The following GBE1 variants were observed in gnomAD, a reference collection of about 807,000 sequenced individuals.
GBE1 encodes 1,4-alpha-glucan branching enzyme 1, also known as 1,4-alpha-glucan-branching enzyme.
In GBE1, 70 loss-of-function variants were observed where a neutral mutation model predicts 88.8. The observed-to-expected ratio is 0.79, with a 90% confidence interval of 0.65 to 0.96. The LOEUF (loss-of-function observed/expected upper bound fraction) is 0.96. Among genes scored for constraint, GBE1 ranks in the 40% least tolerant of loss-of-function variants. The pLI is 0.00. For synonymous variants in GBE1, 284 were observed against 300.1 expected, an observed-to-expected ratio of 0.95 and a Z score of 0.56; for missense variants, 872 against 871.0, an observed-to-expected ratio of 1.00 and a Z score of -0.01.
chr3:81,696,865 C>T (rs943212300), intron 2 of GBE1, among the ~76,000 whole-genome samples: 2 of 152,158 alleles, frequency 1.3e-5, no homozygotes, highest in African/African-American at 2.4e-5. Context: ...CATTAAGGTC[C>T]ATACCAGGAA....
intron 7 of GBE1, among the ~76,000 whole-genome samples, chr3:81,620,920 G>A (rs1461017028): frequency 6.6e-6 from 1 of 152,108 alleles, no homozygotes; most frequent in Non-Finnish European, 1.5e-5. Context: ...CAAATGAAAG[G>A]AAATGTCATG....
intron 3 of GBE1, 68 bp downstream of exon 3, chr3:81,670,770 A>G: frequency 1.2e-6 from 1 of 838,504 alleles, no homozygotes; most frequent in South Asian, 1.8e-5. Flanking sequence ...AATAGTTTAA[A>G]TCAAACTTGG....
At position 81,657,143 on chromosome 3, in the gene GBE1, A is replaced by C. The variant is rs530025980; in HGVS notation, c.430-7222T>G. On this transcript the variant is annotated intron_variant, in intron 3 of 15. Transcript: ENST00000429644. Reference sequence around the variant, plus strand: ...TGCACTCCAGCCGTCTCAAAAAAAAAAAAAACAAAACAAAAAAAAACAATA... The same window carrying C: ...TGCACTCCAGCCGTCTCAAAAAAAACAAAAACAAAACAAAAAAAAACAATA... Among the ~76,000 whole-genome samples the C allele has an allele frequency of 2.9e-4, 44 of 151,378 alleles. 1 individual carries two copies. The highest frequency in any genetic ancestry group is 2.8e-3 in the Admixed American group (42 of 15,232).
intron 2 of GBE1, among the ~76,000 whole-genome samples, chr3:81,704,311 G>A (rs1215962369): frequency 6.6e-6 from 1 of 151,928 alleles, no homozygotes; most frequent in Admixed American, 6.6e-5. Context: ...AAAACCCAAA[G>A]TTCTGTTAAG....
At chr3:81,741,920 TC>T (rs1337023293) in intron 1 of GBE1, among the ~76,000 whole-genome samples, 1 of 149,588 alleles carries the variant, frequency 6.7e-6, no homozygotes, top group African/African-American at 2.4e-5. Flanking sequence ...GCCCTCCACC[TC>T]CCCATCTATA....
At chr3:81,613,163 T>A (rs1048075282) in intron 7 of GBE1, 3 of 277,700 alleles carry the variant, frequency 1.1e-5, no homozygotes, top group Non-Finnish European at 2.0e-5. Context: ...TTTTTTTTTT[T>A]AATCTTGTCC....
Position 81,576,663 on chromosome 3 carries a change from T to C in GBE1, c.1618+1262A>G, listed in dbSNP as rs147670844. Among the ~76,000 whole-genome samples the C allele has an allele frequency of 1.5e-3, 224 of 152,202 alleles. 2 individuals are homozygous for C. Among genetic ancestry groups the C allele is most frequent in the African/African-American group, 5.2e-3 (218 of 41,534 alleles). ...CTGACTTTATTTATGGAACCAATCA[T>C]TGCAAAGTCCATCCAGGGAACTTGA... On this transcript the variant is annotated intron_variant, in intron 12 of 15. Transcript: ENST00000429644.
intron 4 of GBE1, 130 bp downstream of exon 4, chr3:81,649,666 A>C: frequency 1.5e-6 from 1 of 655,696 alleles, no homozygotes. Context: ...TAAAAGGAAT[A>C]CTATGATGTA....
intron 2 of GBE1, among the ~76,000 whole-genome samples, chr3:81,704,357 A>G (rs1277896266): frequency 6.6e-6 from 1 of 152,046 alleles, no homozygotes; most frequent in Non-Finnish European, 1.5e-5. Context: ...ATTGCATTAA[A>G]ATTTGTTCTT....
At chr3:81,577,898 T>A (rs766557957) in intron 12 of GBE1, 27 bp downstream of exon 12, 1 of 1,545,840 alleles carries the variant, frequency 6.5e-7, no homozygotes, top group African/African-American at 1.4e-5. Context: ...TAAACACAAA[T>A]TGCATATGTG....
At chr3:81,753,274 A>C (rs766797271) in intron 1 of GBE1, among the ~76,000 whole-genome samples, 5 of 152,194 alleles carry the variant, frequency 3.3e-5, no homozygotes, top group South Asian at 2.1e-4. Context: ...TTAAACACAA[A>C]GGAGCCCTGG....
At chr3:81,666,998 T>G (rs1004653581) in intron 3 of GBE1, among the ~76,000 whole-genome samples, 3 of 152,232 alleles carry the variant, frequency 2.0e-5, no homozygotes, top group Non-Finnish European at 4.4e-5. Flanking sequence ...AGATGACAGA[T>G]GTCAGCTACT....
At chr3:81,742,918 A>T (rs184007404) in intron 1 of GBE1, among the ~76,000 whole-genome samples, 11 of 152,054 alleles carry the variant, frequency 7.2e-5, no homozygotes, top group African/African-American at 2.7e-4. Flanking sequence ...ATTACTCCCA[A>T]CTGTTTCTAG....
At chr3:81,746,676 G>A (rs1706424486) in intron 1 of GBE1, among the ~76,000 whole-genome samples, 1 of 152,116 alleles carries the variant, frequency 6.6e-6, no homozygotes, top group Non-Finnish European at 1.5e-5. Context: ...AGATTCATAT[G>A]AAGAAATATT....
intron 12 of GBE1, among the ~76,000 whole-genome samples, chr3:81,562,885 A>G (rs1460114776): frequency 6.7e-6 from 1 of 150,364 alleles, no homozygotes; most frequent in African/African-American, 2.4e-5. Flanking sequence ...TTTTAATGGG[A>G]GGGGGACCAA....
chr3:81,738,418 T>C (rs1310536618), intron 1 of GBE1, among the ~76,000 whole-genome samples: 7 of 152,012 alleles, frequency 4.6e-5, no homozygotes, highest in Admixed American at 2.0e-4. Flanking sequence ...GCACCTGTTG[T>C]TTCCTGACTT....
At chr3:81,582,036 G>A (rs562088605) in intron 10 of GBE1, among the ~76,000 whole-genome samples, 7 of 151,952 alleles carry the variant, frequency 4.6e-5, no homozygotes, top group South Asian at 4.2e-4. Flanking sequence ...GTTTCTTCCC[G>A]CCACTCCCGA....
Position 81,572,307 on chromosome 3 carries a change from G to A in GBE1, c.1618+5618C>T, listed in dbSNP as rs1703586760. Among the ~76,000 whole-genome samples, 3 of 152,026 alleles carry A rather than the reference G, an allele frequency of 2.0e-5. No individual in the cohort carries two copies. In the South Asian group the frequency reaches 6.2e-4, roughly 32 times the overall value. On this transcript the variant is annotated intron_variant, in intron 12 of 15. Coordinates refer to ENST00000429644, the MANE Select transcript of GBE1 (RefSeq NM_000158.4). The stretch of plus-strand genomic sequence containing the variant: ...AGTTCTTTACAGCAGTATGAAAATG[G>A]ACTAATAAAAGAATGAATAAAATAT...
intron 7 of GBE1, among the ~76,000 whole-genome samples, chr3:81,597,334 T>C (rs1703969255): frequency 6.6e-6 from 1 of 151,518 alleles, no homozygotes; most frequent in Non-Finnish European, 1.5e-5. Flanking sequence ...ACAGCTTTTA[T>C]AGCCTGTCTT....
Sources: gnomAD v4.1 joint callset for allele counts (sites outside exome capture counted in the v4.1 genomes callset) on GRCh38, gnomAD v4.1.1 for gene constraint, MANE v1.5 for transcripts, NCBI Gene and HGNC (gene_info 2026-07-23, HGNC 2026-07-21) for gene names.